SORCS3: variants seen among roughly 807,000 people sequenced by gnomAD.
SORCS3 encodes the protein VPS10 domain-containing receptor SorCS3.
SORCS3 carries 57 observed loss-of-function variants against 146.3 expected under a neutral mutation model. The ratio of observed to expected loss-of-function variants is 0.39; its 90% CI spans 0.31 to 0.49. The LOEUF is 0.49. SORCS3 is among the 20% of genes least tolerant of loss of function. SORCS3 has a pLI of 0.92. For synonymous variants in SORCS3, 653 were observed against 618.5 expected (o/e 1.06, Z -0.83); for missense variants, 1,341 against 1,575.5 (o/e 0.85, Z 2.52).
At chr10:105,151,577 C>T (rs927688918) in intron 9 of SORCS3, among the ~76,000 whole-genome samples, 2 of 152,054 alleles carry the variant, frequency 1.3e-5, no homozygotes, top group African/African-American at 2.4e-5. Context: ...ACAGGTATAT[C>T]ACTCCATCTT....
intron 20 of SORCS3, among the ~76,000 whole-genome samples, chr10:105,244,234 A>G (rs2056852680): frequency 6.6e-6 from 1 of 151,946 alleles, no homozygotes; most frequent in Non-Finnish European, 1.5e-5. Context: ...TCCAATAAGC[A>G]TCTGCTTTTT....
At chr10:104,874,706 A>T (rs1033512496) in intron 2 of SORCS3, among the ~76,000 whole-genome samples, 1 of 151,876 alleles carries the variant, frequency 6.6e-6, no homozygotes, top group Non-Finnish European at 1.5e-5. Flanking sequence ...CCCTACTGTT[A>T]CTCCTTTAAC....
chr10:104,708,826 C>G (rs2016379455), intron 1 of SORCS3, among the ~76,000 whole-genome samples: 1 of 152,206 alleles, frequency 6.6e-6, no homozygotes. Flanking sequence ...TGCTTTGCTC[C>G]TGTTCCTCAG....
chr10:104,841,226 C>T (rs2018136146), intron 1 of SORCS3, among the ~76,000 whole-genome samples: 1 of 152,190 alleles, frequency 6.6e-6, no homozygotes, highest in Admixed American at 6.5e-5. Context: ...CTCTAAGTGA[C>T]TGTAGAGAAC....
chr10:105,146,700 A>G (rs1170242822), intron 8 of SORCS3, among the ~76,000 whole-genome samples: 1 of 152,146 alleles, frequency 6.6e-6, no homozygotes, highest in Non-Finnish European at 1.5e-5. Flanking sequence ...TGGTTCTGCC[A>G]TTTGATAGCC....
At chr10:104,817,711 C>A (rs1380772145) in intron 1 of SORCS3, among the ~76,000 whole-genome samples, 1 of 120,392 alleles carries the variant, frequency 8.3e-6, no homozygotes, top group Non-Finnish European at 1.7e-5. Context: ...TCTTATTTTC[C>A]CTCCCCTCCT....
At chr10:104,913,507 T>A (rs2018991741) in intron 2 of SORCS3, among the ~76,000 whole-genome samples, 1 of 152,180 alleles carries the variant, frequency 6.6e-6, no homozygotes, top group African/African-American at 2.4e-5. Context: ...GCATAACTCA[T>A]GACCATGTGG....
chr10:104,947,577 C>G (rs2019385686), intron 3 of SORCS3, among the ~76,000 whole-genome samples: 1 of 152,064 alleles, frequency 6.6e-6, no homozygotes, highest in Non-Finnish European at 1.5e-5. Context: ...CTTACAAGGG[C>G]CTGCTTCATG....
intron 5 of SORCS3, among the ~76,000 whole-genome samples, chr10:105,088,608 G>C (rs989037489): frequency 6.6e-6 from 1 of 152,140 alleles, no homozygotes; most frequent in Non-Finnish European, 1.5e-5. Flanking sequence ...AGAGTACCCT[G>C]GATGCCATCA....
At chr10:104,824,341 C>T (rs1042495037) in intron 1 of SORCS3, among the ~76,000 whole-genome samples, 3 of 152,158 alleles carry the variant, frequency 2.0e-5, no homozygotes, top group East Asian at 1.9e-4. Context: ...GTAAGTCAGA[C>T]CAGTTTCAAA....
At chr10:105,050,031 A>G (rs2055400035) in intron 5 of SORCS3, among the ~76,000 whole-genome samples, 1 of 135,486 alleles carries the variant, frequency 7.4e-6, no homozygotes, top group Admixed American at 6.9e-5. Flanking sequence ...GTGTATATAT[A>G]TACATACACA....
chr10:104,802,370 T>C (rs903783372), intron 1 of SORCS3, among the ~76,000 whole-genome samples: 2 of 152,224 alleles, frequency 1.3e-5, no homozygotes, highest in African/African-American at 4.8e-5. Flanking sequence ...TTTTTCAAAA[T>C]CTTGTAATAG....
chr10:105,068,889 C>T (rs961306053), intron 5 of SORCS3, among the ~76,000 whole-genome samples: 1 of 152,100 alleles, frequency 6.6e-6, no homozygotes, highest in Non-Finnish European at 1.5e-5. Context: ...CTTTATAGAT[C>T]ATAAAGAGAT....
At chr10:104,771,435 G>A (rs1368252612) in intron 1 of SORCS3, among the ~76,000 whole-genome samples, 1 of 152,142 alleles carries the variant, frequency 6.6e-6, no homozygotes, top group Non-Finnish European at 1.5e-5. Context: ...CTCTAAAAGG[G>A]CCCTGGGATC....
At chr10:105,196,439 A>G (rs2119604957) in intron 14 of SORCS3, among the ~76,000 whole-genome samples, 2 of 152,280 alleles carry the variant, frequency 1.3e-5, no homozygotes, top group Middle Eastern at 3.4e-3. Flanking sequence ...CACTGTCTCT[A>G]TTAAAAAAGT....
intron 1 of SORCS3, among the ~76,000 whole-genome samples, chr10:104,751,568 G>A (rs1002743011): frequency 3.6e-4 from 54 of 152,110 alleles, no homozygotes; most frequent in African/African-American, 1.2e-3. Context: ...CCCTTGCAAG[G>A]CACGGTGAGT....
chr10:104,991,031 G>A lies in SORCS3; in HGVS notation c.954+13538G>A, dbSNP rs2054990632. On this transcript the variant is annotated intron_variant, in intron 4 of 26. Transcript: ENST00000369701. ...GCTTCACTGGACCTCCTGTCCCAGA[G>A]CAAGCAAAATCAACTGCTTGTCTCC... Among the ~76,000 whole-genome samples, 5 of 152,192 alleles carry A rather than the reference G, an allele frequency of 3.3e-5. No individual in the cohort carries two copies. The South Asian group carries it at 1.0e-3, about 32-fold the overall frequency.
At chr10:104,894,857 T>C (rs1223835654) in intron 2 of SORCS3, among the ~76,000 whole-genome samples, 8 of 152,146 alleles carry the variant, frequency 5.3e-5, no homozygotes, top group Admixed American at 5.2e-4. Context: ...TCAGTTTTAG[T>C]TAGCATCCTG....
intron 4 of SORCS3, among the ~76,000 whole-genome samples, chr10:104,982,923 A>G (rs375971874): frequency 3.3e-5 from 5 of 152,348 alleles, no homozygotes; most frequent in African/African-American, 1.2e-4. Context: ...GTTGTTTTCA[A>G]GAACATTCAT....
Sources: gnomAD v4.1 joint callset for allele counts (sites outside exome capture counted in the v4.1 genomes callset) on GRCh38, gnomAD v4.1.1 for gene constraint, MANE v1.5 for transcripts, NCBI Gene and HGNC (gene_info 2026-07-23, HGNC 2026-07-21) for gene names.